KDM2B: variants seen among roughly 807,000 people sequenced by gnomAD.
KDM2B encodes lysine demethylase 2B.
KDM2B carries 26 observed loss-of-function variants against 150.0 expected under a neutral mutation model. The observed-to-expected ratio is 0.17, with a 90% CI of 0.13 to 0.24. KDM2B has a LOEUF of 0.24. Among genes scored for constraint, KDM2B ranks in the 10% least tolerant of loss-of-function variants. KDM2B has a pLI of 1.00. For synonymous variants in KDM2B, 734 were observed against 729.5 expected (o/e 1.01, Z -0.10); for missense variants, 1,265 against 1,816.9 (o/e 0.70, Z 5.52).
chr12:121,467,376 G>A lies in KDM2B; in HGVS notation c.1735-14032C>T. On this transcript the variant is annotated intron_variant, in intron 12 of 22. Coordinates refer to ENST00000377071, the MANE Select transcript of KDM2B (RefSeq NM_032590.5). The surrounding 1 kb of genome is among the most constrained non-coding windows in gnomAD (Gnocchi z 5.1). ...CGCGCCGCGCGCCTCGCACGCCCGC[G>A]CTGGAGGGGGCGGGGAGGGGCCGGC... The A allele has an allele frequency of 5.1e-6, 5 of 980,260 alleles. No homozygotes were observed. The highest frequency in any genetic ancestry group is 6.0e-6 in the Non-Finnish European group (5 of 827,380). 60.7% of individuals were successfully genotyped at this position (980,260 alleles called of 1,614,324 possible).
rs1594025010 is a variant in KDM2B at position 121,517,000 on chromosome 12, C to T, written c.1048-3598G>A. 19 of 586,332 alleles carry T rather than the reference C, an allele frequency of 3.2e-5. No individual in the cohort carries two copies. The East Asian group carries it at 3.9e-4, about 12-fold the overall frequency. 36.3% of individuals were successfully genotyped at this position (586,332 alleles called of 1,614,324 possible). On this transcript the variant is annotated intron_variant, in intron 9 of 22. Transcript: ENST00000377071. ...AGGGAATGGGGCATGTCGGCATTAC[C>T]TTTTCTGGGAAGGCTGCTTTCACTA...
intron 12 of KDM2B, 197 bp downstream of exon 12, chr12:121,494,382 C>G: frequency 1.9e-6 from 1 of 531,386 alleles, no homozygotes; most frequent in Non-Finnish European, 3.4e-6. Context: ...GCACTGTTCG[C>G]AGTTCCCACA....
Position 121,467,391 on chromosome 12 carries a change from G to A in KDM2B, c.1735-14047C>T, listed in dbSNP as rs1555295098. ...GCACGCCCGCGCTGGAGGGGGCGGGGAGGGGCCGGCGGGGGAGGGCCGGGG... is the reference window on the plus strand; with the variant it reads ...GCACGCCCGCGCTGGAGGGGGCGGGAAGGGGCCGGCGGGGGAGGGCCGGGG... On this transcript the variant is annotated intron_variant, in intron 12 of 22. Coordinates refer to ENST00000377071, the MANE Select transcript of KDM2B (RefSeq NM_032590.5). This position sits in a 1 kb window ranked among gnomAD's most constrained non-coding sequence, Gnocchi z 5.1. The A allele has an allele frequency of 2.1e-6, 2 of 974,202 alleles. No homozygotes were observed. The highest frequency in any genetic ancestry group is 6.3e-5 in the Admixed American group (1 of 15,826). 60.3% of individuals were successfully genotyped at this position (974,202 alleles called of 1,614,324 possible).
At chr12:121,415,876 A>C in the KDM2B span, among the ~76,000 whole-genome samples, 3 of 124,236 alleles carry the variant, frequency 2.4e-5, no homozygotes, top group East Asian at 4.7e-4. Context: ...GCCTGTGTAC[A>C]TGTATCTGTT....
intron 12 of KDM2B, among the ~76,000 whole-genome samples, chr12:121,464,451 G>A (rs956228854): frequency 6.6e-6 from 1 of 152,050 alleles, no homozygotes; most frequent in Non-Finnish European, 1.5e-5. Flanking sequence ...CCCATCCCCT[G>A]TCTCCTGTCC....
At chr12:121,420,409 G>A in the KDM2B span, 8 of 1,552,154 alleles carry the variant, frequency 5.2e-6, no homozygotes, top group African/African-American at 5.5e-5. Flanking sequence ...GTGGACATTC[G>A]CTAGATTAGT....
At chr12:121,431,875 T>C (rs2137442265) in intron 22 of KDM2B, among the ~76,000 whole-genome samples, 1 of 119,286 alleles carries the variant, frequency 8.4e-6, no homozygotes, top group East Asian at 2.4e-4. Context: ...TTTTTTTCTT[T>C]TTTCTTTTTT....
chr12:121,455,957 G>A (rs1440869195), intron 12 of KDM2B, among the ~76,000 whole-genome samples: 2 of 152,234 alleles, frequency 1.3e-5, no homozygotes, highest in East Asian at 1.9e-4. Flanking sequence ...GCCAAGGCCA[G>A]GCAGGCAGCG....
intron 12 of KDM2B, among the ~76,000 whole-genome samples, chr12:121,474,177 GT>G (rs1555296353): frequency 6.6e-6 from 1 of 152,190 alleles, no homozygotes; most frequent in African/African-American, 2.4e-5. Context: ...GTACAACATT[GT>G]GAACGTGTTA....
chr12:121,531,702 T>C (rs1428940855), intron 8 of KDM2B, among the ~76,000 whole-genome samples: 1 of 152,146 alleles, frequency 6.6e-6, no homozygotes, highest in Non-Finnish European at 1.5e-5. Flanking sequence ...CAATTCCTCC[T>C]TCAAACACAT....
intron 21 of KDM2B, chr12:121,440,336 A>AT: frequency 1.9e-6 from 1 of 520,102 alleles, no homozygotes; most frequent in South Asian, 2.1e-5. Flanking sequence ...TCAGCCAACC[A>AT]GTGCAGAGGC....
chr12:121,451,065 T>C (rs558495026), intron 13 of KDM2B, among the ~76,000 whole-genome samples: 1 of 152,202 alleles, frequency 6.6e-6, no homozygotes, highest in South Asian at 2.1e-4. Flanking sequence ...ATATGCCGAT[T>C]TTTTTTCAAC....
intron 12 of KDM2B, among the ~76,000 whole-genome samples, chr12:121,492,786 G>A (rs1297100244): frequency 2.7e-5 from 4 of 149,996 alleles, no homozygotes; most frequent in East Asian, 2.0e-4. Context: ...CCGAGATCAC[G>A]CCACTGCACT....
chr12:121,461,138 T>C (rs1879056861), intron 12 of KDM2B, among the ~76,000 whole-genome samples: 1 of 151,890 alleles, frequency 6.6e-6, no homozygotes, highest in Non-Finnish European at 1.5e-5. Flanking sequence ...GTGACTAAGG[T>C]GGGTCTTAGA....
At chr12:121,472,349 A>G (rs1335131227) in intron 12 of KDM2B, among the ~76,000 whole-genome samples, 1 of 152,244 alleles carries the variant, frequency 6.6e-6, no homozygotes, top group African/African-American at 2.4e-5. Context: ...CACTTAACAT[A>G]GCATTCCAGG....
intron 4 of KDM2B, among the ~76,000 whole-genome samples, chr12:121,572,819 TA>T (rs1271844712): frequency 5.6e-5 from 7 of 125,130 alleles, no homozygotes; most frequent in Non-Finnish European, 8.2e-5. Flanking sequence ...CACACCTGGA[TA>T]AATTTTTTTT....
rs1891717647 is a variant in KDM2B at position 121,578,878 on chromosome 12, G to A, written c.195C>T (p.Val65=). ...DLSDVEEIVS[V]RGFSLEEKLR... ...GCTTCTCCTCCAGGCTGAAGCCGCG[G>A]ACGCTGACGATCTCCTCCACGTCCG... Residue 65 remains valine (V), a synonymous_variant, in exon 2 of 23, where the codon GTC becomes GTT. Transcript: ENST00000377071. 5.0e-6 allele frequency: 8 copies of A among 1,612,964 alleles called. No individual in the cohort carries two copies. The highest frequency in any genetic ancestry group is 6.8e-6 in the Non-Finnish European group (8 of 1,179,716).
intron 1 of KDM2B, chr12:121,580,368 G>A (rs1555317763): frequency 1.8e-6 from 2 of 1,123,402 alleles, no homozygotes; most frequent in Non-Finnish European, 2.2e-6. Flanking sequence ...TTGGGGGGGT[G>A]GGGGCGGCGG....
intron 12 of KDM2B, among the ~76,000 whole-genome samples, chr12:121,457,739 T>TACACAC (rs138823282): frequency 0.046 from 6,624 of 145,022 alleles, 195 homozygotes; most frequent in South Asian, 0.085. Context: ...ATCGGAAACA[T>TACACAC]ACACACACAC....
Sources: allele counts gnomAD v4.1 joint callset (sites outside exome capture counted in the v4.1 genomes callset), GRCh38; gene constraint gnomAD v4.1.1; non-coding constraint Gnocchi (gnomAD v3.1); transcripts MANE v1.5; gene names NCBI Gene and HGNC (gene_info 2026-07-23, HGNC 2026-07-21).